ADGRG2: variants seen among roughly 807,000 people sequenced by gnomAD.
ADGRG2 encodes G protein-coupled receptor 64.
Under a neutral mutation model 74.1 loss-of-function variants are expected in ADGRG2, and 26 were observed. That is an observed-to-expected ratio of 0.35 (90% confidence interval 0.26 to 0.49). The LOEUF (loss-of-function observed/expected upper bound fraction) is 0.49. Ranked by LOEUF, ADGRG2 falls within the 20% of genes least tolerant of loss-of-function variation. The pLI, the probability that ADGRG2 is intolerant of heterozygous loss-of-function variation, is 0.99. For missense variants in ADGRG2, 619 were observed against 763.1 expected (o/e 0.81, Z 2.22); for synonymous variants, 296 against 295.2 (o/e 1.00, Z -0.03).
chrX:19,021,017 T>C (rs1237665572), intron 14 of ADGRG2, 87 bp downstream of exon 14: 7 of 573,152 alleles, frequency 1.2e-5, no homozygotes, highest in African/African-American at 2.3e-5. Flanking sequence ...CTGTAACATA[T>C]GTAAATTTAT....
chrX:19,053,909 T>A (rs765570048), intron 3 of ADGRG2, among the ~76,000 whole-genome samples: 22 of 111,054 alleles, frequency 2.0e-4, no homozygotes, highest in Non-Finnish European at 3.4e-4. Flanking sequence ...AAGGGGGAAA[T>A]CTCTTATAAA....
At chrX:19,122,831 C>T (rs1197975628), upstream of ADGRG2, among the ~76,000 whole-genome samples, 1 of 111,702 alleles carries the variant, frequency 9.0e-6, no homozygotes, top group Non-Finnish European at 1.9e-5. Flanking sequence ...CCCTCAGATG[C>T]CCGGCGTCCA....
At chrX:19,097,906 C>G (rs972814320) in intron 1 of ADGRG2, among the ~76,000 whole-genome samples, 3 of 112,796 alleles carry the variant, frequency 2.7e-5, no homozygotes, top group African/African-American at 9.6e-5. Context: ...AATAAAAACG[C>G]AAATGGATCA....
chrX:18,994,938 G>C lies in ADGRG2; in HGVS notation c.2827C>G (p.Leu943Val). The C allele has an allele frequency of 4.2e-6, 5 of 1,202,419 alleles. No homozygotes were observed. Among genetic ancestry groups the C allele is most frequent in the Non-Finnish European group, 5.6e-6 (5 of 887,175 alleles). The change falls in exon 28 of 29, where the codon CTG becomes GTG. Residue 943 changes from leucine to valine, a missense_variant. By Grantham distance (32) the Leu-to-Val change is conservative (BLOSUM62 1). Transcript: ENST00000379869. ...ACTGAGCAATCATTATTCACTAGCA[G>C]TGTGGTGGAGTTAGTGGAGTTACTG... Reference protein sequence around the residue: ...SSSNSTNSTTLLVNNDCSVHA... With the variant: ...SSSNSTNSTTVLVNNDCSVHA...
At chrX:19,024,605 G>C (rs1156855700) in intron 11 of ADGRG2, among the ~76,000 whole-genome samples, 1 of 112,263 alleles carries the variant, frequency 8.9e-6, no homozygotes, top group Non-Finnish European at 1.9e-5. Context: ...AGACATTTTT[G>C]GTTGTTACGC....
chrX:19,075,103 AAG>A (rs1461221089), intron 2 of ADGRG2, among the ~76,000 whole-genome samples: 2 of 110,865 alleles, frequency 1.8e-5, no homozygotes, highest in Non-Finnish European at 3.8e-5. Flanking sequence ...ACAAAATTCA[AAG>A]AGAGAATCAG....
At chrX:19,045,709 C>T (rs1003321062) in intron 3 of ADGRG2, among the ~76,000 whole-genome samples, 5 of 110,379 alleles carry the variant, frequency 4.5e-5, no homozygotes, top group Non-Finnish European at 7.6e-5. Context: ...GCCTCATACC[C>T]GGGTGTAAAA....
intron 15 of ADGRG2, 28 bp downstream of exon 15, chrX:19,019,571 G>T: frequency 1.3e-6 from 1 of 782,241 alleles, no homozygotes. Context: ...TTTTTTTAAG[G>T]AGAAGGGTCA....
chrX:19,054,590 A>G (rs929078971), intron 3 of ADGRG2, among the ~76,000 whole-genome samples: 1 of 112,416 alleles, frequency 8.9e-6, no homozygotes, highest in African/African-American at 3.2e-5. Flanking sequence ...CCAGTTGCAG[A>G]ACTGAAACAA....
intron 24 of ADGRG2, 31 bp from the exon 25 acceptor site, chrX:18,999,991 ATTTTT>A (rs754958892): frequency 6.0e-5 from 34 of 566,198 alleles, no homozygotes; most frequent in Admixed American, 6.5e-5. Context: ...GTCACACCTA[ATTTTT>A]TTTTTTTTTT....
chrX:19,121,578 A>T (rs990269997), intron 1 of ADGRG2, among the ~76,000 whole-genome samples: 1 of 110,888 alleles, frequency 9.0e-6, no homozygotes, highest in African/African-American at 3.3e-5. Flanking sequence ...GTACTTCCGT[A>T]GGGCCTGCCG....
chrX:19,085,710 G>A (rs181907752), intron 1 of ADGRG2, among the ~76,000 whole-genome samples: 2 of 111,773 alleles, frequency 1.8e-5, no homozygotes, highest in East Asian at 2.8e-4. Context: ...GGAGTGTGAT[G>A]AGGGAAAGGA....
At chrX:19,083,145 A>G (rs1239696328) in intron 1 of ADGRG2, among the ~76,000 whole-genome samples, 1 of 107,118 alleles carries the variant, frequency 9.3e-6, no homozygotes, top group East Asian at 2.9e-4. Context: ...CTGGTATTAC[A>G]GGCACACGCT....
At chrX:19,024,045 T>C (rs961287302) in intron 11 of ADGRG2, 97 bp from the exon 12 acceptor site, 1 of 581,642 alleles carries the variant, frequency 1.7e-6, no homozygotes, top group Non-Finnish European at 3.0e-6. Flanking sequence ...GCACATGGTA[T>C]ACATTGCTTA....
intron 3 of ADGRG2, among the ~76,000 whole-genome samples, chrX:19,068,429 C>A (rs145161939): frequency 0.027 from 2,870 of 107,676 alleles, 92 homozygotes; most frequent in African/African-American, 0.092. Context: ...ATAGAAAGAA[C>A]AGGAACAGAG....
In ADGRG2 at chrX:19,033,650, T is replaced by G. The variant is rs760196699; in HGVS notation, c.267A>C (p.Lys89Asn). ...AGGTTTTTACTATAGTGATTTTAGT[T>G]TTTTCTGCAAAGAAACAACTTAAAT... ...LSLLPSNETEKTKITIVKTFN... is the reference protein window; with the variant it reads ...LSLLPSNETENTKITIVKTFN... Residue 89 changes from lysine (K) to asparagine (N), a missense_variant, in exon 8 of 29, where the codon AAA becomes AAC. Transcript: ENST00000379869. 1.2e-6 allele frequency: 1 copy of G among 809,548 alleles called. No homozygotes were observed. The highest frequency in any genetic ancestry group is 2.5e-5 in the Admixed American group (1 of 39,987). The allele number at this position is 809,548 out of a possible 1,213,427, so 66.7% of individuals were successfully genotyped here.
intron 1 of ADGRG2, among the ~76,000 whole-genome samples, chrX:19,115,097 T>A (rs1462843654): frequency 8.9e-6 from 1 of 112,089 alleles, no homozygotes; most frequent in Non-Finnish European, 1.9e-5. Context: ...GTGTATTGGT[T>A]AATGAACTGC....
Position 18,990,884 on chromosome X carries a change from G to T in ADGRG2, c.3034C>A (p.His1012Asn). ...AGGAATCACATTTGCTCAATAAAGT[G>T]TAAGCTTCCCCGCTTTGAAGTCCTT... ...LRRTSKRGSLHFIEQM is the reference protein window; with the variant it reads ...LRRTSKRGSLNFIEQM The change falls in exon 29 of 29, where the codon CAC (histidine) becomes AAC (asparagine). Residue 1012 changes from histidine to asparagine, a missense_variant. Around this residue, in one of 3 missense-constraint regions of ADGRG2, gnomAD observed 106 missense variants for 104.5 expected, o/e 1.01. Transcript: ENST00000379869. 1 of 1,202,452 alleles carries T rather than the reference G, an allele frequency of 8.3e-7. No homozygotes were observed. Among genetic ancestry groups the T allele is most frequent in the Non-Finnish European group, 1.1e-6 (1 of 889,430 alleles).
rs918618574 is a variant in ADGRG2, at chrX:18,990,620, T to A, written c.*244A>T. ...CTTTATAGGAGTCATTCTTAGTGTATTGTTTAAAACCAACCTTCTTATAAA... is the reference window on the plus strand; with the variant it reads ...CTTTATAGGAGTCATTCTTAGTGTAATGTTTAAAACCAACCTTCTTATAAA... On this transcript the variant is annotated 3_prime_UTR_variant, in exon 29 of 29. Transcript: ENST00000379869. 1 of 249,773 alleles carries A rather than the reference T, an allele frequency of 4.0e-6. No individual in the cohort carries two copies. The highest frequency in any genetic ancestry group is 6.6e-5 in the Admixed American group (1 of 15,214). 20.6% of individuals were successfully genotyped at this position (249,773 alleles called of 1,213,427 possible).
Sources: allele counts gnomAD v4.1 joint callset (sites outside exome capture counted in the v4.1 genomes callset), GRCh38; gene constraint gnomAD v4.1.1; regional missense constraint gnomAD v4.1.1; transcripts MANE v1.5; gene names NCBI Gene and HGNC (gene_info 2026-07-23, HGNC 2026-07-21).